The following DGKH variants were observed in gnomAD, a reference collection of about 807,000 sequenced individuals.
The protein encoded by DGKH is DAG kinase eta.
A neutral mutation model predicts 159.3 loss-of-function variants in DGKH; 90 were observed. The observed-to-expected ratio is 0.57, with a 90% CI of 0.48 to 0.67. The LOEUF (loss-of-function observed/expected upper bound fraction) is 0.67. Among genes scored for constraint, DGKH ranks in the 30% least tolerant of loss-of-function variants. The pLI is 0.00. For synonymous variants in DGKH, 536 were observed against 553.8 expected (o/e 0.97, Z 0.45); for missense variants, 1,181 against 1,506.1 (o/e 0.78, Z 3.57).
intron 3 of DGKH, among the ~76,000 whole-genome samples, chr13:42,138,370 G>T (rs574728785): frequency 6.6e-6 from 1 of 152,158 alleles, no homozygotes; most frequent in Admixed American, 6.6e-5. Context: ...CATGTGAGAG[G>T]GGGTGAGGAG....
chr13:42,192,944 G>C (rs9533029), intron 16 of DGKH, among the ~76,000 whole-genome samples: 37,314 of 152,032 alleles, frequency 0.25, 5,196 homozygotes, highest in Non-Finnish European at 0.32. Flanking sequence ...CATTTTTGAT[G>C]TTACAAAGAC....
At position 42,178,211 on chromosome 13, in the gene DGKH, C is replaced by G. The variant is rs781748802; in HGVS notation, c.1529C>G (p.Ser510Cys). The G allele has an allele frequency of 6.3e-7, 1 of 1,593,222 alleles. No individual in the cohort carries two copies. The highest frequency in any genetic ancestry group is 1.3e-5 in the African/African-American group (1 of 74,812). Reference sequence around the variant, plus strand: ...TCTGATGAACATGCAGTGGTCATATCTTCTGCCAAGTGAGTTGTGGGTTTT... The same window carrying G: ...TCTGATGAACATGCAGTGGTCATATGTTCTGCCAAGTGAGTTGTGGGTTTT... ...LNSDEHAVVI[S>C]SAKTLCETVK... The change falls in exon 13 of 30, where the codon TCT becomes TGT. Residue 510 changes from serine to cysteine, a missense_variant. Ser to Cys is a moderately radical substitution (Grantham distance 112, BLOSUM62 -1). Transcript: ENST00000337343.
At chr13:42,249,960 AGTTTTTTT>A (rs374650812) in intron 29 of DGKH, among the ~76,000 whole-genome samples, 56 of 145,646 alleles carry the variant, frequency 3.8e-4, no homozygotes, top group Middle Eastern at 7.6e-3. Flanking sequence ...CTCCAGCTCC[AGTTTTTTT>A]GTTTTTTTGT....
In DGKH at chr13:42,171,828, C is replaced by CTT. The variant is rs541194131; in HGVS notation, c.1368-2214_1368-2213dup. ...GCTTTTGGTTTTCAAATATAAATTT[C>CTT]TTTTTTTTTTTTTTTTTTTGAGACG... On this transcript the variant is annotated intron_variant, in intron 11 of 29. Transcript: ENST00000337343. Among the ~76,000 whole-genome samples, 24 of 102,410 alleles carry CTT rather than the reference C, an allele frequency of 2.3e-4. 1 individual carries two copies. The highest frequency in any genetic ancestry group is 1.9e-3 in the East Asian group (7 of 3,780). The allele number at this position is 102,410 out of a possible 152,430, so 67.2% of individuals were successfully genotyped here.
In DGKH at chr13:42,231,988, G is replaced by C. The variant is rs1037045700; in HGVS notation, c.*2800G>C. 1 of 152,208 alleles carries C rather than the reference G, an allele frequency of 6.6e-6. No homozygotes were observed. Among genetic ancestry groups the C allele is most frequent in the Non-Finnish European group, 1.5e-5 (1 of 68,056 alleles). The allele number at this position is 152,208 out of a possible 1,614,324, so 9.4% of individuals were successfully genotyped here. ...TGCTTTGTCTATGCATGGCTGTGCA[G>C]GGCCCAAATGACTTCACTGACACCT... On this transcript the variant is annotated 3_prime_UTR_variant, in exon 30 of 30. Transcript: ENST00000337343.
rs57139526 is a variant in DGKH, at chr13:42,146,150, C to CTTTTTT, written c.385-9128_385-9123dup. 2.7e-3 allele frequency among the ~76,000 whole-genome samples: 295 copies of CTTTTTT among 110,260 alleles called. 13 individuals carry two copies. Among genetic ancestry groups the CTTTTTT allele is most frequent in the Non-Finnish European group, 3.5e-3 (195 of 56,242 alleles). The allele number at this position is 110,260 out of a possible 152,430, so 72.3% of individuals were successfully genotyped here. Reference sequence around the variant, plus strand: ...TGTAAGAGTTCAGATTCTGGGGAGGCTTTTTTTTTTTTTTTTTTGTACAGG... The same window carrying CTTTTTT: ...TGTAAGAGTTCAGATTCTGGGGAGGCTTTTTTTTTTTTTTTTTTTTTTTTGTACAGG... On this transcript the variant is annotated intron_variant, in intron 3 of 29. Coordinates refer to ENST00000337343, the MANE Select transcript of DGKH (RefSeq NM_178009.5).
chr13:42,116,920 G>A (rs978867542), intron 1 of DGKH, among the ~76,000 whole-genome samples: 9 of 152,122 alleles, frequency 5.9e-5, no homozygotes, highest in African/African-American at 1.2e-4. Flanking sequence ...TTTGGAAAAC[G>A]ATTTTTCAAA....
At chr13:42,252,861 C>T (rs1343789004) in intron 30 of DGKH, among the ~76,000 whole-genome samples, 1 of 151,912 alleles carries the variant, frequency 6.6e-6, no homozygotes, top group Non-Finnish European at 1.5e-5. Flanking sequence ...GATTCTTCTG[C>T]CTCAGCCTCC....
chr13:42,050,240 G>A (rs985660813), intron 1 of DGKH, among the ~76,000 whole-genome samples: 1 of 152,110 alleles, frequency 6.6e-6, no homozygotes, highest in Non-Finnish European at 1.5e-5. Flanking sequence ...GCTTTGAGGC[G>A]TGCACCTGAG....
Position 42,146,197 on chromosome 13 carries a change from C to T in DGKH, c.385-9094C>T, listed in dbSNP as rs1176114532. On this transcript the variant is annotated intron_variant, in intron 3 of 29. Coordinates refer to ENST00000337343, the MANE Select transcript of DGKH (RefSeq NM_178009.5). ...CAGGTAAAGTATTCATATGAATGTA[C>T]TTTAGATTGCATGGACCTTTTTAGG... is the stretch of plus-strand genomic sequence containing the variant. 3.5e-5 allele frequency among the ~76,000 whole-genome samples: 4 copies of T among 113,258 alleles called. No individual in the cohort carries two copies. In the Admixed American group the frequency reaches 5.0e-4, roughly 14 times the overall value. 74.3% of individuals were successfully genotyped at this position (113,258 alleles called of 152,430 possible).
intron 1 of DGKH, among the ~76,000 whole-genome samples, chr13:42,122,521 C>G (rs1469486571): frequency 1.3e-5 from 2 of 152,102 alleles, no homozygotes; most frequent in African/African-American, 4.8e-5. Flanking sequence ...TCATGTTAGC[C>G]CATTGATCCA....
In DGKH at chr13:42,129,546, T is replaced by C. The variant is rs3742261; in HGVS notation, c.304-6T>C. 0.42 allele frequency: 670,088 copies of C among 1,604,598 alleles called. 144,151 individuals are homozygous for C. The highest frequency in any genetic ancestry group is 0.48 in the Admixed American group (28,701 of 59,330). On this transcript the variant is annotated splice_polypyrimidine_tract_variant and splice_region_variant and intron_variant, in intron 2 of 29. Coordinates refer to ENST00000337343, the MANE Select transcript of DGKH (RefSeq NM_178009.5). ...AATGTCTTTGTATGTTTTTTTTCAT[T>C]AACAGTCTCTGATATTTGATGAAGT...
intron 1 of DGKH, among the ~76,000 whole-genome samples, chr13:42,110,372 T>C (rs1464637612): frequency 6.6e-6 from 1 of 152,162 alleles, no homozygotes; most frequent in Non-Finnish European, 1.5e-5. Context: ...CTCTCTACTT[T>C]GCACATTAGT....
chr13:42,227,184 G>A (rs1479410512), intron 29 of DGKH, among the ~76,000 whole-genome samples: 2 of 152,070 alleles, frequency 1.3e-5, no homozygotes, highest in Non-Finnish European at 2.9e-5. Context: ...TGAGTTGATA[G>A]GTGCAGCAAA....
At chr13:42,169,018 G>A (rs1262695597) in intron 11 of DGKH, among the ~76,000 whole-genome samples, 200 bp downstream of exon 11, 2 of 152,172 alleles carry the variant, frequency 1.3e-5, no homozygotes, top group East Asian at 3.9e-4. Flanking sequence ...CAATAAAGAT[G>A]TTTTATAGTG....
At chr13:42,112,951 T>G (rs952579466) in intron 1 of DGKH, among the ~76,000 whole-genome samples, 1 of 152,186 alleles carries the variant, frequency 6.6e-6, no homozygotes, top group African/African-American at 2.4e-5. Flanking sequence ...CAGCTCTTAT[T>G]CCCTCGTTGG....
At chr13:42,162,736 G>A in intron 7 of DGKH, among the ~76,000 whole-genome samples, 1 of 152,044 alleles carries the variant, frequency 6.6e-6, no homozygotes, top group Non-Finnish European at 1.5e-5. Context: ...CCCTGGAGGT[G>A]GAGGTTGCAG....
chr13:42,060,852 G>A (rs1882102317), intron 1 of DGKH, among the ~76,000 whole-genome samples: 1 of 152,162 alleles, frequency 6.6e-6, no homozygotes, highest in Non-Finnish European at 1.5e-5. Context: ...GATTAGATAA[G>A]TAACATGCCC....
chr13:42,211,692 C>T (rs1001937692), intron 24 of DGKH, among the ~76,000 whole-genome samples: 4 of 151,794 alleles, frequency 2.6e-5, no homozygotes, highest in Non-Finnish European at 2.9e-5. Flanking sequence ...AGTGAGACTC[C>T]GTCTTCAAAA....
Sources: gnomAD v4.1 joint callset for allele counts (sites outside exome capture counted in the v4.1 genomes callset) on GRCh38, gnomAD v4.1.1 for gene constraint, MANE v1.5 for transcripts, NCBI Gene and HGNC (gene_info 2026-07-23, HGNC 2026-07-21) for gene names.